The following SPACA7 variants were observed in gnomAD, a reference collection of about 807,000 sequenced individuals.
SPACA7 encodes the protein sperm acrosome associated 7.
A neutral mutation model predicts 26.3 loss-of-function variants in SPACA7; 19 were observed. That is an observed-to-expected ratio of 0.72 (90% CI 0.50 to 1.06). The LOEUF is 1.06. Among genes scored for constraint, SPACA7 ranks in the 50% least tolerant of loss-of-function variants. The pLI is 0.00. For missense variants in SPACA7, 211 were observed against 229.9 expected (o/e 0.92, Z 0.53); for synonymous variants, 84 against 84.5 (o/e 0.99, Z 0.04).
intron 5 of SPACA7, among the ~76,000 whole-genome samples, chr13:112,429,857 TA>T (rs1300725366): frequency 6.6e-6 from 1 of 152,226 alleles, no homozygotes; most frequent in African/African-American, 2.4e-5. Context: ...CCAGTTAAGT[TA>T]CTTTAAAGCA....
chr13:112,431,762 G>A (rs1341727943), intron 5 of SPACA7, among the ~76,000 whole-genome samples: 1 of 152,176 alleles, frequency 6.6e-6, no homozygotes, highest in Non-Finnish European at 1.5e-5. Context: ...AGTAAGAAAA[G>A]TAAATAAAGG....
chr13:112,416,138 A>G lies in SPACA7; in HGVS notation c.445+14974A>G, dbSNP rs547314530. ...TGTTATTATGCTAAAACTAGGTACT[A>G]TGATCACTCATCTGATTTTCCAGTT... is the stretch of plus-strand genomic sequence containing the variant. On this transcript the variant is annotated intron_variant, in intron 5 of 6. Transcript: ENST00000283550. Among the ~76,000 whole-genome samples, 3 of 152,152 alleles carry G rather than the reference A, an allele frequency of 2.0e-5. No homozygotes were observed. In the East Asian group the frequency reaches 5.8e-4, roughly 30 times the overall value.
At chr13:112,407,675 T>C (rs931456074) in intron 5 of SPACA7, among the ~76,000 whole-genome samples, 2 of 152,166 alleles carry the variant, frequency 1.3e-5, no homozygotes, top group Non-Finnish European at 2.9e-5. Flanking sequence ...CAGGAAGAAG[T>C]TGAATCCCTG....
At chr13:112,387,038 C>G (rs577506930) in intron 1 of SPACA7, among the ~76,000 whole-genome samples, 1 of 152,192 alleles carries the variant, frequency 6.6e-6, no homozygotes, top group Non-Finnish European at 1.5e-5. Context: ...GGAATCATTA[C>G]AGAAACCAAG....
intron 5 of SPACA7, among the ~76,000 whole-genome samples, chr13:112,406,143 T>C (rs1049496216): frequency 6.6e-6 from 1 of 152,196 alleles, no homozygotes; most frequent in Non-Finnish European, 1.5e-5. Context: ...TACAGTTCCA[T>C]GATGTTAAAC....
intron 4 of SPACA7, among the ~76,000 whole-genome samples, chr13:112,399,474 GC>G (rs149550723): frequency 0.014 from 2,109 of 152,326 alleles, 43 homozygotes; most frequent in African/African-American, 0.049. Flanking sequence ...ACAATGCCTG[GC>G]CCCCTCTCCC....
chr13:112,383,131 AAGAAAGAAAGAAAGAAAGAAAG>A lies in SPACA7; in HGVS notation c.94+6654_94+6675del, dbSNP rs1172277126. On this transcript the variant is annotated intron_variant, in intron 1 of 6. Transcript: ENST00000283550. Reference sequence around the variant, plus strand: ...AAAAGAAAAGAAAAGAAAAGAAAGAAAGAAAGAAAGAAAGAAAGAAAGAAAGAAAGAAAGAAAGAAAGAAAGA... The same window carrying A: ...AAAAGAAAAGAAAAGAAAAGAAAGAAAAAGAAAGAAAGAAAGAAAGAAAGA... Among the ~76,000 whole-genome samples the A allele has an allele frequency of 4.0e-3, 216 of 53,456 alleles. 3 individuals carry two copies. The highest frequency in any genetic ancestry group is 0.018 in the Middle Eastern group (2 of 112). 35.1% of individuals were successfully genotyped at this position (53,456 alleles called of 152,430 possible).
Position 112,430,406 on chromosome 13 carries a change from C to T in SPACA7, c.446-2038C>T, listed in dbSNP as rs185868991. On this transcript the variant is annotated intron_variant, in intron 5 of 6. Transcript: ENST00000283550. ...TCACTGCTCTTTGCTGATTATTCTCCGATATATGGGAAAGCACTGTTTCAT... is the reference window on the plus strand; with the variant it reads ...TCACTGCTCTTTGCTGATTATTCTCTGATATATGGGAAAGCACTGTTTCAT... Among the ~76,000 whole-genome samples the T allele has an allele frequency of 7.4e-4, 112 of 152,238 alleles. 1 individual carries two copies. The East Asian group carries it at 0.018, about 25-fold the overall frequency.
intron 5 of SPACA7, among the ~76,000 whole-genome samples, chr13:112,419,009 T>C (rs1390055436): frequency 6.7e-6 from 1 of 148,524 alleles, no homozygotes. Flanking sequence ...GAGACAAGAG[T>C]GAGACTCCAT....
intron 2 of SPACA7, among the ~76,000 whole-genome samples, chr13:112,393,788 C>A (rs1002561090): frequency 7.9e-5 from 12 of 152,124 alleles, no homozygotes; most frequent in Non-Finnish European, 1.8e-4. Flanking sequence ...GAGACAGAGA[C>A]CATCCTGGCC....
rs377128324 is a variant in SPACA7, at chr13:112,396,457, G to A, written c.152-1592G>A. ...CTGCTGACCTGCTGTGCCTGGTCACGGCTGTAGAATGCTGCCTCCTGGACA... is the reference window on the plus strand; with the variant it reads ...CTGCTGACCTGCTGTGCCTGGTCACAGCTGTAGAATGCTGCCTCCTGGACA... On this transcript the variant is annotated intron_variant, in intron 2 of 6. Coordinates refer to ENST00000283550, the MANE Select transcript of SPACA7 (RefSeq NM_145248.5). 1.2e-3 allele frequency among the ~76,000 whole-genome samples: 182 copies of A among 152,144 alleles called. 1 individual carries two copies. Among genetic ancestry groups the A allele is most frequent in the African/African-American group, 3.7e-3 (152 of 41,448 alleles).
At chr13:112,395,382 T>C (rs745639910) in intron 2 of SPACA7, among the ~76,000 whole-genome samples, 7 of 152,208 alleles carry the variant, frequency 4.6e-5, no homozygotes, top group Non-Finnish European at 1.0e-4. Flanking sequence ...GAGTCGTTGC[T>C]AGAGGAGGTC....
intron 5 of SPACA7, among the ~76,000 whole-genome samples, chr13:112,408,378 G>T (rs1254328847): frequency 6.6e-6 from 1 of 152,116 alleles, no homozygotes; most frequent in Non-Finnish European, 1.5e-5. Context: ...GGGCAATCAG[G>T]CAGGAGAAAG....
At position 112,377,463 on chromosome 13, in the gene SPACA7, T is replaced by A. The variant is rs530305267; in HGVS notation, c.94+984T>A. ...CATGAACCTCCATGTATTCACCCTC[T>A]AGTTCAATTATTGTGTATATTGTGT... On this transcript the variant is annotated intron_variant, in intron 1 of 6. Coordinates refer to ENST00000283550, the MANE Select transcript of SPACA7 (RefSeq NM_145248.5). Among the ~76,000 whole-genome samples, 40 of 152,340 alleles carry A rather than the reference T, an allele frequency of 2.6e-4. No homozygotes were observed. The South Asian group carries it at 8.3e-3, about 32-fold the overall frequency.
chr13:112,428,999 A>G (rs1208714967), intron 5 of SPACA7, among the ~76,000 whole-genome samples: 4 of 152,190 alleles, frequency 2.6e-5, no homozygotes, highest in African/African-American at 9.6e-5. Context: ...TAGTTCTAGC[A>G]GTGTTTCCTT....
chr13:112,396,350 T>C (rs1885252560), intron 2 of SPACA7, among the ~76,000 whole-genome samples: 1 of 152,100 alleles, frequency 6.6e-6, no homozygotes, highest in Admixed American at 6.5e-5. Flanking sequence ...GCTCACTTCT[T>C]AGGGCTGGTC....
rs528482729 is a variant in SPACA7 at position 112,396,229 on chromosome 13, G to A, written c.152-1820G>A. ...AGGGACTGTGGGTACAGTTGTTAGA[G>A]ATGGAGAGTTGCAGAGACAGCCCAT... On this transcript the variant is annotated intron_variant, in intron 2 of 6. Transcript: ENST00000283550. Among the ~76,000 whole-genome samples the A allele has an allele frequency of 4.6e-5, 7 of 151,910 alleles. No homozygotes were observed. In the South Asian group the frequency reaches 1.5e-3, roughly 32 times the overall value.
At chr13:112,430,743 G>T (rs557527855) in intron 5 of SPACA7, among the ~76,000 whole-genome samples, 4 of 152,242 alleles carry the variant, frequency 2.6e-5, no homozygotes, top group African/African-American at 9.6e-5. Context: ...CCCTATAGTC[G>T]AATGAAACCA....
At chr13:112,397,038 C>A (rs2138939776) in intron 2 of SPACA7, among the ~76,000 whole-genome samples, 1 of 152,216 alleles carries the variant, frequency 6.6e-6, no homozygotes, top group East Asian at 1.9e-4. Flanking sequence ...TCACTGGGGG[C>A]ACACATTGCC....
Sources: allele counts gnomAD v4.1 joint callset (sites outside exome capture counted in the v4.1 genomes callset), GRCh38; gene constraint gnomAD v4.1.1; transcripts MANE v1.5; gene names NCBI Gene and HGNC (gene_info 2026-07-23, HGNC 2026-07-21).